NLGN4X: variants seen among roughly 807,000 people sequenced by gnomAD.
The protein encoded by NLGN4X is neuroligin 4 X-linked, also known as neuroligin-4, X-linked.
Under a neutral mutation model 40.3 loss-of-function variants are expected in NLGN4X, and 3 were observed. The ratio of observed to expected loss-of-function variants is 0.07; its 90% CI spans 0.03 to 0.19. The LOEUF is 0.19. Ranked by LOEUF, NLGN4X falls within the 10% of genes least tolerant of loss-of-function variation. The pLI, the probability that NLGN4X is intolerant of heterozygous loss-of-function variation, is 1.00. For synonymous variants in NLGN4X, 270 were observed against 306.8 expected, an observed-to-expected ratio of 0.88 and a Z score of 1.25; for missense variants, 382 against 708.3, an observed-to-expected ratio of 0.54 and a Z score of 5.23.
At position 6,130,483 on chromosome X, in the gene NLGN4X, G is replaced by A. The variant is rs1375084271; in HGVS notation, c.472+20512C>T. Among the ~76,000 whole-genome samples, 32 of 112,351 alleles carry A rather than the reference G, an allele frequency of 2.8e-4. 2 individuals are homozygous for A. Among genetic ancestry groups the A allele is most frequent in the Non-Finnish European group, 1.9e-5 (1 of 53,286 alleles). ...AACTTTTTCCTACTAAAACTCTGTT[G>A]CTAGTAGCATTACTTCTGTTTCATG... On this transcript the variant is annotated intron_variant, in intron 2 of 5. Coordinates refer to ENST00000381095, the MANE Select transcript of NLGN4X (RefSeq NM_181332.3).
At chrX:6,187,361 TA>T (rs1922136329) in intron 1 of NLGN4X, 1 of 102,876 alleles carries the variant, frequency 9.7e-6, no homozygotes, top group Non-Finnish European at 2.0e-5. Flanking sequence ...TAGCCCCAGC[TA>T]CCCCGGAGGC....
chrX:6,210,226 G>A lies in NLGN4X; in HGVS notation c.-306+18315C>T, dbSNP rs192443141. On this transcript the variant is annotated intron_variant, in intron 1 of 5. Transcript: ENST00000381095. Reference sequence around the variant, plus strand: ...AAAAATTGCAGTTGATTCTTTGTGCGTGCGTGTGCGCCCGTTTGTGTGTGT... The same window carrying A: ...AAAAATTGCAGTTGATTCTTTGTGCATGCGTGTGCGCCCGTTTGTGTGTGT... 2.6e-4 allele frequency among the ~76,000 whole-genome samples: 25 copies of A among 97,548 alleles called. No individual in the cohort carries two copies. The East Asian group carries it at 5.6e-3, about 22-fold the overall frequency. The allele number at this position is 97,548 out of a possible 115,157, so 84.7% of individuals were successfully genotyped here.
intron 5 of NLGN4X, among the ~76,000 whole-genome samples, chrX:5,901,737 T>G (rs1002036621): frequency 7.3e-5 from 8 of 109,085 alleles, no homozygotes; most frequent in Non-Finnish European, 1.3e-4. Flanking sequence ...ATTTTCTCTC[T>G]CTAGTTATTT....
At chrX:6,106,370 T>C (rs767784348) in intron 2 of NLGN4X, among the ~76,000 whole-genome samples, 3 of 111,751 alleles carry the variant, frequency 2.7e-5, no homozygotes, top group Non-Finnish European at 5.6e-5. Context: ...CTGAAGTTGG[T>C]TAACACTTGG....
In NLGN4X at chrX:6,221,455, T is replaced by C. The variant is rs971769139; in HGVS notation, c.-306+7086A>G. Among the ~76,000 whole-genome samples the C allele has an allele frequency of 4.3e-5, 4 of 94,006 alleles. No individual in the cohort carries two copies. The South Asian group carries it at 2.2e-3, about 52-fold the overall frequency. The allele number at this position is 94,006 out of a possible 115,157, so 81.6% of individuals were successfully genotyped here. On this transcript the variant is annotated intron_variant, in intron 1 of 5. Coordinates refer to ENST00000381095, the MANE Select transcript of NLGN4X (RefSeq NM_181332.3). Reference sequence around the variant, plus strand: ...TTTGCTTTTATCTAATGTGTTGCAATGGCTGAGAAAAACATTTTCAGCAAA... The same window carrying C: ...TTTGCTTTTATCTAATGTGTTGCAACGGCTGAGAAAAACATTTTCAGCAAA...
intron 1 of NLGN4X, among the ~76,000 whole-genome samples, chrX:6,208,302 T>A (rs946747358): frequency 3.6e-5 from 4 of 112,565 alleles, no homozygotes; most frequent in African/African-American, 1.3e-4. Flanking sequence ...CTTTGTTCTA[T>A]CAGATACTTA....
chrX:5,894,515 T>TA (rs2146690465), intron 5 of NLGN4X, among the ~76,000 whole-genome samples: 1 of 111,797 alleles, frequency 8.9e-6, no homozygotes, highest in East Asian at 2.8e-4. Flanking sequence ...ATGTTTAAGA[T>TA]AAAAAAGACA....
At chrX:5,899,868 T>A (rs1025843342) in intron 5 of NLGN4X, among the ~76,000 whole-genome samples, 13 of 111,833 alleles carry the variant, frequency 1.2e-4, no homozygotes, top group African/African-American at 4.2e-4. Flanking sequence ...GATAATCATA[T>A]AAAGTTTATT....
At position 6,059,088 on chromosome X, in the gene NLGN4X, C is replaced by A. The variant is rs927842554; in HGVS notation, c.473-29656G>T. 6.9e-4 allele frequency among the ~76,000 whole-genome samples: 77 copies of A among 112,087 alleles called. 1 individual carries two copies. Among genetic ancestry groups the A allele is most frequent in the Non-Finnish European group, 8.3e-4 (44 of 53,178 alleles). On this transcript the variant is annotated intron_variant, in intron 2 of 5. Coordinates refer to ENST00000381095, the MANE Select transcript of NLGN4X (RefSeq NM_181332.3). ...ATATGCATTTGGTATACTTATTGAA[C>A]CCTAGCAGAGTTAAGATGTGAGCTA...
chrX:6,226,042 G>A (rs1209348167), intron 1 of NLGN4X, among the ~76,000 whole-genome samples: 1 of 103,557 alleles, frequency 9.7e-6, no homozygotes, highest in Non-Finnish European at 2.0e-5. Context: ...CTTAAGTTGG[G>A]TCCAAATGAC....
At chrX:6,023,873 C>T (rs775534309) in intron 3 of NLGN4X, among the ~76,000 whole-genome samples, 1 of 111,757 alleles carries the variant, frequency 8.9e-6, no homozygotes, top group African/African-American at 3.3e-5. Context: ...TACAGACAGA[C>T]TTGCACTTGG....
intron 3 of NLGN4X, among the ~76,000 whole-genome samples, chrX:5,929,181 G>A (rs1001130459): frequency 2.8e-4 from 31 of 111,421 alleles, no homozygotes; most frequent in Admixed American, 2.8e-3. Flanking sequence ...ATTATGTGCC[G>A]GCTTGGCGTG....
chrX:6,156,492 G>A (rs1338353818), intron 1 of NLGN4X, among the ~76,000 whole-genome samples: 1 of 112,006 alleles, frequency 8.9e-6, no homozygotes, highest in East Asian at 2.8e-4. Flanking sequence ...CTGGGCAACA[G>A]AGCGAGACTC....
chrX:6,183,264 C>T (rs1921660833), intron 1 of NLGN4X, among the ~76,000 whole-genome samples: 2 of 112,454 alleles, frequency 1.8e-5, no homozygotes, highest in South Asian at 7.3e-4. Context: ...AAAATAAATA[C>T]TGGCCGGGCA....
chrX:5,901,390 C>T (rs2031856820), intron 5 of NLGN4X, among the ~76,000 whole-genome samples: 1 of 111,641 alleles, frequency 9.0e-6, no homozygotes, highest in Admixed American at 9.5e-5. Flanking sequence ...TGTAAAGAGG[C>T]TCAGGGTGAT....
At chrX:5,952,736 G>A (rs769585129) in intron 3 of NLGN4X, among the ~76,000 whole-genome samples, 1 of 111,250 alleles carries the variant, frequency 9.0e-6, no homozygotes, top group Non-Finnish European at 1.9e-5. Context: ...AGACAGGCTG[G>A]CTGGCTGGCT....
At chrX:6,134,056 C>T (rs1457086489) in intron 2 of NLGN4X, among the ~76,000 whole-genome samples, 1 of 111,127 alleles carries the variant, frequency 9.0e-6, no homozygotes, top group East Asian at 2.9e-4. Flanking sequence ...TCCACCCTTG[C>T]TTCCCATCTC....
chrX:6,030,611 T>C (rs1167951922), intron 2 of NLGN4X, among the ~76,000 whole-genome samples: 2 of 110,703 alleles, frequency 1.8e-5, no homozygotes, highest in African/African-American at 6.6e-5. Flanking sequence ...TGAATTATGA[T>C]CACAATTTTA....
chrX:6,147,565 T>C (rs2040074799), intron 2 of NLGN4X, among the ~76,000 whole-genome samples: 1 of 111,485 alleles, frequency 9.0e-6, no homozygotes, highest in South Asian at 3.8e-4. Flanking sequence ...ACTTCTCGGC[T>C]TGACTTTCAC....
Sources: allele counts gnomAD v4.1 joint callset (sites outside exome capture counted in the v4.1 genomes callset), GRCh38; gene constraint gnomAD v4.1.1; transcripts MANE v1.5; gene names NCBI Gene and HGNC (gene_info 2026-07-23, HGNC 2026-07-21).